Variants in DLGAP1 observed in about 807,000 individuals in gnomAD.
DLGAP1 encodes the protein disks large-associated protein 1.
In DLGAP1, 11 loss-of-function variants were observed where a neutral mutation model predicts 90.8. The ratio of observed to expected loss-of-function variants is 0.12; its 90% CI spans 0.08 to 0.20. The LOEUF is 0.20. Among genes scored for constraint, DLGAP1 ranks in the 10% least tolerant of loss-of-function variants. The pLI, the probability that DLGAP1 is intolerant of heterozygous loss-of-function variation, is 1.00. For synonymous variants in DLGAP1, 558 were observed against 540.7 expected, an observed-to-expected ratio of 1.03 and a Z score of -0.44; for missense variants, 1,050 against 1,333.8, an observed-to-expected ratio of 0.79 and a Z score of 3.31.
At chr18:3,612,223 G>A (rs748649423) in intron 7 of DLGAP1, among the ~76,000 whole-genome samples, 68 of 152,046 alleles carry the variant, frequency 4.5e-4, no homozygotes, top group Non-Finnish European at 7.9e-4. Context: ...TCAGGAGGCC[G>A]ACCTTGATTT....
chr18:3,674,296 A>AATATAT (rs1555623973), intron 7 of DLGAP1, among the ~76,000 whole-genome samples: 1 of 128,992 alleles, frequency 7.8e-6, no homozygotes, highest in African/African-American at 3.2e-5. Flanking sequence ...ATAATATTAA[A>AATATAT]ATATATATAT....
intron 7 of DLGAP1, chr18:3,597,179 G>GAT (rs1568269281): frequency 1.9e-6 from 1 of 519,300 alleles, no homozygotes; most frequent in South Asian, 1.4e-5. Flanking sequence ...CACACAGATG[G>GAT]ATATCTGAGA....
intron 1 of DLGAP1, among the ~76,000 whole-genome samples, chr18:4,157,150 C>G (rs556758502): frequency 6.6e-6 from 1 of 151,862 alleles, no homozygotes; most frequent in Non-Finnish European, 1.5e-5. Flanking sequence ...GGGACCGGGC[C>G]GTCAGCTCAC....
intron 10 of DLGAP1, among the ~76,000 whole-genome samples, chr18:3,519,899 C>A (rs2051073607): frequency 6.6e-6 from 1 of 152,154 alleles, no homozygotes; most frequent in Admixed American, 6.5e-5. Context: ...ATTACCCAGT[C>A]TTGAGCATTA....
chr18:4,054,560 C>T (rs1050381187), intron 2 of DLGAP1, among the ~76,000 whole-genome samples: 68 of 152,244 alleles, frequency 4.5e-4, no homozygotes, highest in African/African-American at 1.2e-3. Flanking sequence ...GAGCAGGACA[C>T]GTTGGTGTAA....
At chr18:4,362,271 A>G (rs77285543) in intron 1 of DLGAP1, among the ~76,000 whole-genome samples, 5,248 of 152,280 alleles carry the variant, frequency 0.034, 152 homozygotes, top group African/African-American at 0.076. Flanking sequence ...TCTTGAAGTG[A>G]TATTTGTACA....
At chr18:3,609,345 G>T (rs2057483644) in intron 7 of DLGAP1, among the ~76,000 whole-genome samples, 1 of 152,192 alleles carries the variant, frequency 6.6e-6, no homozygotes, top group South Asian at 2.1e-4. Flanking sequence ...CCTCACCCGG[G>T]CCTGAGTCTT....
intron 7 of DLGAP1, among the ~76,000 whole-genome samples, chr18:3,682,137 A>C (rs574162428): frequency 6.7e-6 from 1 of 149,652 alleles, no homozygotes; most frequent in African/African-American, 2.5e-5. Context: ...AAAATAAAAA[A>C]AAATAAAAAT....
intron 1 of DLGAP1, among the ~76,000 whole-genome samples, chr18:4,432,718 CCTGT>C (rs1320174323): frequency 6.6e-6 from 1 of 151,756 alleles, no homozygotes; most frequent in African/African-American, 2.4e-5. Flanking sequence ...ATTTATTCAT[CCTGT>C]CTAACTGAAT....
chr18:4,264,811 C>T (rs72860686), intron 1 of DLGAP1: 2,938 of 152,334 alleles, frequency 0.019, 44 homozygotes, highest in Non-Finnish European at 0.03. Context: ...CCAGCAGAGG[C>T]AAACTTGAGG....
chr18:3,850,183 G>A (rs1465826213), intron 4 of DLGAP1, among the ~76,000 whole-genome samples: 1 of 152,044 alleles, frequency 6.6e-6, no homozygotes, highest in African/African-American at 2.4e-5. Context: ...CCTGGCCAAC[G>A]TGGTGAAACT....
chr18:3,593,272 G>C (rs2145587051), intron 7 of DLGAP1, among the ~76,000 whole-genome samples: 1 of 152,328 alleles, frequency 6.6e-6, no homozygotes, highest in African/African-American at 2.4e-5. Context: ...GGTCAACAAG[G>C]GGTGCACAGT....
intron 1 of DLGAP1, among the ~76,000 whole-genome samples, chr18:4,338,799 AT>A (rs1192963816): frequency 1.3e-5 from 2 of 152,208 alleles, no homozygotes; most frequent in Non-Finnish European, 2.9e-5. Context: ...CTATGTGATC[AT>A]CTATGAATAA....
chr18:3,853,401 T>C (rs1409269782), intron 4 of DLGAP1, among the ~76,000 whole-genome samples: 1 of 152,212 alleles, frequency 6.6e-6, no homozygotes, highest in South Asian at 2.1e-4. Context: ...CCCCATAAGA[T>C]TATAATACCA....
At chr18:4,394,971 C>T (rs1038231216) in intron 1 of DLGAP1, among the ~76,000 whole-genome samples, 1 of 152,122 alleles carries the variant, frequency 6.6e-6, no homozygotes, top group Non-Finnish European at 1.5e-5. Context: ...TTAGTAGTTA[C>T]CCAGAAATAA....
At chr18:4,353,095 C>A (rs2081434666) in intron 1 of DLGAP1, among the ~76,000 whole-genome samples, 1 of 152,198 alleles carries the variant, frequency 6.6e-6, no homozygotes, top group African/African-American at 2.4e-5. Context: ...TTAAAAAGAT[C>A]TACCGTAAGT....
At chr18:4,327,618 T>A (rs928472238) in intron 1 of DLGAP1, among the ~76,000 whole-genome samples, 2 of 152,100 alleles carry the variant, frequency 1.3e-5, no homozygotes, top group African/African-American at 4.8e-5. Context: ...ATTGTGCACA[T>A]ACATCTTAAT....
chr18:4,220,013 G>C (rs1474881863), intron 1 of DLGAP1, among the ~76,000 whole-genome samples: 1 of 152,030 alleles, frequency 6.6e-6, no homozygotes, highest in Non-Finnish European at 1.5e-5. Flanking sequence ...CTGTTTCTAT[G>C]AAAGATGACA....
At chr18:3,584,166 G>A (rs1475528771) in intron 7 of DLGAP1, among the ~76,000 whole-genome samples, 2 of 152,182 alleles carry the variant, frequency 1.3e-5, no homozygotes, top group Admixed American at 6.5e-5. Flanking sequence ...AATGAATTAA[G>A]TTTCCAAGTG....
Sources: allele counts gnomAD v4.1 joint callset (sites outside exome capture counted in the v4.1 genomes callset), GRCh38; gene constraint gnomAD v4.1.1; transcripts MANE v1.5; gene names NCBI Gene and HGNC (gene_info 2026-07-23, HGNC 2026-07-21).